The following ANO10 variants were observed in gnomAD, a reference collection of about 807,000 sequenced individuals.
The protein encoded by ANO10 is anoctamin 10, also known as anoctamin-10.
Under a neutral mutation model 74.7 loss-of-function variants are expected in ANO10, and 77 were observed. The observed-to-expected ratio is 1.03, with a 90% CI of 0.86 to 1.25. ANO10 has a LOEUF of 1.25. ANO10 is among the 50% of genes most tolerant of loss of function. The pLI is 0.00. For missense variants in ANO10, 721 were observed against 778.1 expected, an observed-to-expected ratio of 0.93 and a Z score of 0.87; for synonymous variants, 279 against 284.9, an observed-to-expected ratio of 0.98 and a Z score of 0.21.
At chr3:43,678,449 C>G (rs2084150628) in intron 1 of ANO10, among the ~76,000 whole-genome samples, 1 of 152,136 alleles carries the variant, frequency 6.6e-6, no homozygotes, top group Admixed American at 6.5e-5. Context: ...AAGATCGACC[C>G]CTGACCTAAC....
In ANO10 at chr3:43,549,719, C is replaced by T. The variant is rs1206950481; in HGVS notation, c.1797+1G>A. 3.1e-6 allele frequency: 5 copies of T among 1,613,784 alleles called. No homozygotes were observed. The highest frequency in any genetic ancestry group is 2.5e-6 in the Non-Finnish European group (3 of 1,179,838). ...TAAAATAAGTTTAAATCTTTACTTA[C>T]CTCCACTGCTACTACAATCAAAATG... On this transcript the variant is annotated splice_donor_variant, in intron 11 of 12. Coordinates refer to ENST00000292246, the MANE Select transcript of ANO10 (RefSeq NM_018075.5). LOFTEE classifies it high-confidence loss of function.
intron 1 of ANO10, among the ~76,000 whole-genome samples, chr3:43,664,460 C>T (rs556111905): frequency 9.9e-5 from 15 of 152,254 alleles, no homozygotes; most frequent in African/African-American, 3.6e-4. Flanking sequence ...CCATTCAGGA[C>T]ACAGGCATGG....
At chr3:43,496,506 T>G (rs1019379762) in intron 11 of ANO10, among the ~76,000 whole-genome samples, 2 of 151,858 alleles carry the variant, frequency 1.3e-5, no homozygotes, top group African/African-American at 4.8e-5. Flanking sequence ...CGATCTTGGC[T>G]CTCTGCAACC....
At chr3:43,682,846 T>C (rs1387001095) in intron 1 of ANO10, among the ~76,000 whole-genome samples, 7 of 152,136 alleles carry the variant, frequency 4.6e-5, no homozygotes, top group Non-Finnish European at 8.8e-5. Context: ...ATTATCTCAA[T>C]AGATGCAGAA....
intron 10 of ANO10, among the ~76,000 whole-genome samples, chr3:43,552,467 A>G (rs1368677083): frequency 6.6e-6 from 1 of 152,130 alleles, no homozygotes; most frequent in East Asian, 1.9e-4. Flanking sequence ...ATCAAACATA[A>G]CATAGAAAAC....
At chr3:43,597,825 A>G (rs534056132) in intron 4 of ANO10, among the ~76,000 whole-genome samples, 129 of 152,212 alleles carry the variant, frequency 8.5e-4, no homozygotes, top group African/African-American at 2.8e-3. Flanking sequence ...AGGCTAAGGC[A>G]GGAGATTATT....
At chr3:43,472,157 T>C (rs1312999868) in intron 11 of ANO10, among the ~76,000 whole-genome samples, 1 of 152,188 alleles carries the variant, frequency 6.6e-6, no homozygotes, top group African/African-American at 2.4e-5. Flanking sequence ...CTATGTACTA[T>C]ATGATTCCAT....
At chr3:43,500,469 C>A (rs2077060061) in intron 11 of ANO10, among the ~76,000 whole-genome samples, 1 of 152,230 alleles carries the variant, frequency 6.6e-6, no homozygotes, top group Non-Finnish European at 1.5e-5. Context: ...CCAAATCACA[C>A]TACCAGAAAT....
At chr3:43,625,958 G>A (rs1277094196), upstream of ANO10, among the ~76,000 whole-genome samples, 2 of 149,850 alleles carry the variant, frequency 1.3e-5, no homozygotes, top group African/African-American at 2.5e-5. Context: ...TTTTTTTAAC[G>A]GGTCTAGCTC....
chr3:43,580,788 A>G (rs2081231255), intron 4 of ANO10, among the ~76,000 whole-genome samples: 2 of 152,202 alleles, frequency 1.3e-5, no homozygotes. Flanking sequence ...GTGTATAACC[A>G]GACATAAAAA....
chr3:43,432,807 T>C, intron 11 of ANO10, 80 bp from the exon 12 acceptor site: 1 of 952,022 alleles, frequency 1.1e-6, no homozygotes, highest in Admixed American at 1.7e-5. Flanking sequence ...CTAAGCAATC[T>C]AGGATTATTT....
At chr3:43,529,007 T>C (rs986342858) in intron 11 of ANO10, among the ~76,000 whole-genome samples, 12 of 152,108 alleles carry the variant, frequency 7.9e-5, no homozygotes, top group East Asian at 7.7e-4. Context: ...TTTAAGAAAA[T>C]GTTCCAGAAA....
chr3:43,634,010 A>AAAAC (rs2083579273), intron 1 of ANO10, among the ~76,000 whole-genome samples: 1 of 151,480 alleles, frequency 6.6e-6, no homozygotes, highest in African/African-American at 2.4e-5. Context: ...AAAAAAAAAA[A>AAAAC]AAAAATCTGC....
At position 43,577,211 on chromosome 3, in the gene ANO10, A is replaced by G. The variant is rs750255597; in HGVS notation, c.643T>C (p.Leu215=). Residue 215 remains leucine (L), a synonymous_variant, in exon 6 of 13, where the codon TTG becomes CTG. Transcript: ENST00000292246. ...ATTAATGCAAAAGTGAAATACTCCA[A>G]AAATCCAAAGTACAGAGCAATTGTT... ...GETIALYFGF[L]EYFTFALIPM... is the part of the protein sequence containing the mutation. 78 of 1,614,096 alleles carry G rather than the reference A, an allele frequency of 4.8e-5. No individual in the cohort carries two copies. The highest frequency in any genetic ancestry group is 5.3e-5 in the Non-Finnish European group (63 of 1,180,038).
rs1265412144 is a variant in ANO10 at position 43,486,561 on chromosome 3, T to C, written c.1798-53834A>G. ...TGGATTCCTAGGTATTTTATTCTCT[T>C]TGAAGCAATTGTGAATGGGAGTTCA... is the stretch of plus-strand genomic sequence containing the variant. On this transcript the variant is annotated intron_variant, in intron 11 of 12. Coordinates refer to ENST00000292246, the MANE Select transcript of ANO10 (RefSeq NM_018075.5). Among the ~76,000 whole-genome samples the C allele has an allele frequency of 1.4e-4, 20 of 148,020 alleles. No individual in the cohort carries two copies. In the Admixed American group the frequency reaches 1.4e-3, roughly 10 times the overall value.
At chr3:43,465,348 C>G (rs930739386) in intron 11 of ANO10, among the ~76,000 whole-genome samples, 1 of 152,176 alleles carries the variant, frequency 6.6e-6, no homozygotes, top group Non-Finnish European at 1.5e-5. Context: ...CCCATTGCTC[C>G]TAGGCTACAA....
chr3:43,465,222 C>G (rs1156234339), intron 11 of ANO10, among the ~76,000 whole-genome samples: 1 of 152,128 alleles, frequency 6.6e-6, no homozygotes, highest in East Asian at 1.9e-4. Flanking sequence ...CATCACTTAA[C>G]AATGGATATA....
At chr3:43,585,523 A>G (rs2081439387) in intron 4 of ANO10, among the ~76,000 whole-genome samples, 1 of 152,202 alleles carries the variant, frequency 6.6e-6, no homozygotes, top group South Asian at 2.1e-4. Flanking sequence ...TCTTTGAAGC[A>G]ACTGGAAGCA....
At chr3:43,629,253 A>C in intron 1 of ANO10, among the ~76,000 whole-genome samples, 1 of 152,208 alleles carries the variant, frequency 6.6e-6, no homozygotes. Context: ...TTGACTTTGG[A>C]TTTGAGATAA....
Sources: allele counts gnomAD v4.1 joint callset (sites outside exome capture counted in the v4.1 genomes callset), GRCh38; gene constraint gnomAD v4.1.1; transcripts MANE v1.5; gene names NCBI Gene and HGNC (gene_info 2026-07-23, HGNC 2026-07-21).